The following SUMF1 variants were observed in gnomAD, a reference collection of about 807,000 sequenced individuals.
SUMF1 encodes formylglycine-generating enzyme.
A neutral mutation model predicts 47.6 loss-of-function variants in SUMF1; 48 were observed. That is an observed-to-expected ratio of 1.01 (90% CI 0.80 to 1.28). The LOEUF (loss-of-function observed/expected upper bound fraction) is 1.28. Ranked by LOEUF, SUMF1 falls within the 50% of genes most tolerant of loss-of-function variation. SUMF1 has a pLI of 0.00. For missense variants in SUMF1, 571 were observed against 485.4 expected (o/e 1.18, Z -1.66); for synonymous variants, 230 against 192.1 (o/e 1.20, Z -1.63).
chr3:4,211,594 T>C (rs1334057776), intron 8 of SUMF1, among the ~76,000 whole-genome samples: 1 of 152,070 alleles, frequency 6.6e-6, no homozygotes, highest in Non-Finnish European at 1.5e-5. Context: ...ACTCCAATCA[T>C]TTAAAAAACA....
intron 8 of SUMF1, among the ~76,000 whole-genome samples, chr3:4,262,897 G>A (rs1055171000): frequency 6.6e-6 from 1 of 152,306 alleles, no homozygotes; most frequent in South Asian, 2.1e-4. Flanking sequence ...AGAAGAAAAG[G>A]AAATTAATGC....
intron 7 of SUMF1, among the ~76,000 whole-genome samples, chr3:4,377,852 C>A (rs1306850964): frequency 6.6e-6 from 1 of 152,176 alleles, no homozygotes; most frequent in Non-Finnish European, 1.5e-5. Flanking sequence ...CACCTGTCTA[C>A]TATTTGCTCC....
chr3:4,460,285 T>C (rs1344634104), intron 1 of SUMF1, among the ~76,000 whole-genome samples: 1 of 152,170 alleles, frequency 6.6e-6, no homozygotes, highest in Non-Finnish European at 1.5e-5. Flanking sequence ...AATGAGAAAT[T>C]GTTCACTATA....
chr3:4,148,103 T>C (rs1365038742), intron 8 of SUMF1, among the ~76,000 whole-genome samples: 1 of 152,196 alleles, frequency 6.6e-6, no homozygotes, highest in African/African-American at 2.4e-5. Context: ...TACATAGGTA[T>C]AGCTCCTACC....
intron 8 of SUMF1, among the ~76,000 whole-genome samples, chr3:4,205,775 C>T (rs1695638029): frequency 6.6e-6 from 1 of 152,086 alleles, no homozygotes; most frequent in Non-Finnish European, 1.5e-5. Context: ...TACTTTCTCC[C>T]ACAGAGTCTC....
At chr3:4,275,823 AACTATGGT>A (rs1697402941) in intron 8 of SUMF1, among the ~76,000 whole-genome samples, 1 of 152,208 alleles carries the variant, frequency 6.6e-6, no homozygotes, top group Admixed American at 6.5e-5. Flanking sequence ...TTAGCCAAGC[AACTATGGT>A]ACAAGCGTCA....
chr3:4,066,392 C>T (rs1363765676), intron 9 of SUMF1, among the ~76,000 whole-genome samples: 6 of 151,984 alleles, frequency 3.9e-5, no homozygotes, highest in Admixed American at 3.9e-4. Flanking sequence ...ATTTCTGAAA[C>T]CAACCAAATT....
chr3:4,372,174 G>A (rs1224918897), intron 8 of SUMF1, among the ~76,000 whole-genome samples: 1 of 152,154 alleles, frequency 6.6e-6, no homozygotes, highest in Non-Finnish European at 1.5e-5. Context: ...GGTGGCACAA[G>A]CCTGTAATCC....
chr3:4,168,564 G>C (rs566119615), intron 8 of SUMF1, among the ~76,000 whole-genome samples: 1 of 152,198 alleles, frequency 6.6e-6, no homozygotes, highest in Admixed American at 6.5e-5. Flanking sequence ...AAAAACATGG[G>C]CTTCCTCTTC....
chr3:4,423,315 C>CA (rs1553577172), intron 3 of SUMF1, among the ~76,000 whole-genome samples: 1 of 143,494 alleles, frequency 7.0e-6, no homozygotes, highest in African/African-American at 2.5e-5. Flanking sequence ...CACACACACA[C>CA]AATGGAATAC....
At chr3:4,217,840 C>G (rs1056975839) in intron 8 of SUMF1, among the ~76,000 whole-genome samples, 3 of 149,322 alleles carry the variant, frequency 2.0e-5, no homozygotes, top group African/African-American at 7.4e-5. Flanking sequence ...AAGTTGTATA[C>G]CAGCTGAGAA....
At chr3:4,138,518 G>C (rs570174334) in intron 8 of SUMF1, among the ~76,000 whole-genome samples, 3 of 152,028 alleles carry the variant, frequency 2.0e-5, no homozygotes, top group Non-Finnish European at 4.4e-5. Flanking sequence ...CTAAAAATCA[G>C]CCACATGGAC....
intron 8 of SUMF1, among the ~76,000 whole-genome samples, chr3:4,182,520 A>G (rs969730391): frequency 1.4e-4 from 22 of 152,062 alleles, no homozygotes; most frequent in Middle Eastern, 3.2e-3. Context: ...CTTCAGACAT[A>G]TACTTCCATT....
rs145815742 is a variant in SUMF1, at chr3:4,078,560, G to C, written c.1015-9815C>G. On this transcript the variant is annotated intron_variant and NMD_transcript_variant, in intron 8 of 12. Coordinates refer to the SUMF1 transcript ENST00000448413. ...TTATATGGTGCTAATTATATGCCAGGTGCTATTTTTAAATGATTTGCATAC... is the reference window on the plus strand; with the variant it reads ...TTATATGGTGCTAATTATATGCCAGCTGCTATTTTTAAATGATTTGCATAC... Among the ~76,000 whole-genome samples the C allele has an allele frequency of 3.6e-4, 54 of 150,464 alleles. 1 individual carries two copies. Among genetic ancestry groups the C allele is most frequent in the African/African-American group, 1.3e-3 (51 of 40,662 alleles).
chr3:4,131,176 C>A (rs1357557298), intron 8 of SUMF1, among the ~76,000 whole-genome samples: 1 of 152,186 alleles, frequency 6.6e-6, no homozygotes, highest in Non-Finnish European at 1.5e-5. Flanking sequence ...TCTGACCCAT[C>A]TAGCCATGAA....
At chr3:4,184,328 C>T (rs1460543805) in intron 8 of SUMF1, among the ~76,000 whole-genome samples, 2 of 151,452 alleles carry the variant, frequency 1.3e-5, no homozygotes. Context: ...TGGTGTTGTG[C>T]GCCTGTAATC....
chr3:4,085,125 T>A (rs1692644483), intron 8 of SUMF1, among the ~76,000 whole-genome samples: 1 of 152,062 alleles, frequency 6.6e-6, no homozygotes, highest in Non-Finnish European at 1.5e-5. Context: ...CCCCATCAAA[T>A]AGGGGAAGCT....
At chr3:4,113,595 T>G (rs1277889715) in intron 8 of SUMF1, among the ~76,000 whole-genome samples, 1 of 152,024 alleles carries the variant, frequency 6.6e-6, no homozygotes, top group Non-Finnish European at 1.5e-5. Flanking sequence ...CCTACTCTGC[T>G]ATCAAACATT....
intron 9 of SUMF1, among the ~76,000 whole-genome samples, chr3:4,060,826 G>C (rs1339238543): frequency 6.6e-6 from 1 of 152,136 alleles, no homozygotes; most frequent in Admixed American, 6.6e-5. Flanking sequence ...CCTTGGGAAA[G>C]TGTTTGGCAC....
Sources: gnomAD v4.1 joint callset for allele counts (sites outside exome capture counted in the v4.1 genomes callset) on GRCh38, gnomAD v4.1.1 for gene constraint, MANE v1.5 for transcripts, NCBI Gene and HGNC (gene_info 2026-07-23, HGNC 2026-07-21) for gene names.